Variants in KMT2A observed in about 807,000 individuals in gnomAD.
The protein encoded by KMT2A is lysine methyltransferase 2A.
A neutral mutation model predicts 345.3 loss-of-function variants in KMT2A; 16 were observed. That is an observed-to-expected ratio of 0.05 (90% CI 0.03 to 0.07). The LOEUF (loss-of-function observed/expected upper bound fraction) is 0.07, where lower values mean the gene tolerates loss of function less well. Among genes scored for constraint, KMT2A ranks in the 10% least tolerant of loss-of-function variants. The pLI is 1.00. For synonymous variants in KMT2A, 1,599 were observed against 1,778.6 expected, an observed-to-expected ratio of 0.90 and a Z score of 2.54; for missense variants, 3,272 against 4,841.6, an observed-to-expected ratio of 0.68 and a Z score of 9.62.
At chr11:118,463,667 G>A (rs1949788482) in intron 1 of KMT2A, among the ~76,000 whole-genome samples, 1 of 152,120 alleles carries the variant, frequency 6.6e-6, no homozygotes, top group African/African-American at 2.4e-5. Flanking sequence ...GTTCTTTGTA[G>A]CTAACTGTGT....
In KMT2A at chr11:118,484,997, T is replaced by A; in HGVS notation, c.4332+22T>A. 1 of 1,363,908 alleles carries A rather than the reference T, an allele frequency of 7.3e-7. No homozygotes were observed. Among genetic ancestry groups the A allele is most frequent in the Non-Finnish European group, 1.0e-6 (1 of 952,506 alleles). 84.5% of individuals were successfully genotyped at this position (1,363,908 alleles called of 1,614,324 possible). A position where few individuals can be genotyped will look rare whatever the true frequency, so the allele number is the denominator to read the frequency against. ...AGAGGTAAGGCATCCTGCTTCTTTG[T>A]ACCCCAGGAAGTACATAAATTATTT... On this transcript the variant is annotated intron_variant, in intron 10 of 35. Transcript: ENST00000534358. The surrounding 1 kb of genome is among the most constrained non-coding windows in gnomAD (Gnocchi z 4.1).
Position 118,506,341 on chromosome 11 carries a change from A to G in KMT2A, c.10449A>G (p.Val3483=), listed in dbSNP as rs942076094. ...RDLDSASGPQ[V]SNFTQTVDAP... is the part of the protein sequence containing the mutation. The stretch of plus-strand genomic sequence containing the variant: ...TTGATTCTGCTTCAGGGCCCCAGGT[A>G]TCCAACTTTACCCAGACGGTAGACG... Residue 3483 remains valine (V), a synonymous_variant, in exon 27 of 36, where the codon GTA becomes GTG. Coordinates refer to ENST00000534358, the MANE Select transcript of KMT2A (RefSeq NM_001197104.2). 1.9e-6 allele frequency: 3 copies of G among 1,614,162 alleles called. No individual in the cohort carries two copies. Among genetic ancestry groups the G allele is most frequent in the South Asian group, 1.1e-5 (1 of 91,080 alleles).
At chr11:118,470,423 A>G (rs1555035210) in intron 2 of KMT2A, among the ~76,000 whole-genome samples, 1 of 151,974 alleles carries the variant, frequency 6.6e-6, no homozygotes, top group South Asian at 2.1e-4. Flanking sequence ...TTTTTTCATG[A>G]CTACCAGTCT....
chr11:118,505,326 C>T lies in KMT2A; in HGVS notation c.9434C>T (p.Ser3145Phe). The change falls in exon 27 of 36, where the codon TCT (serine) becomes TTT (phenylalanine). Residue 3145 changes from serine to phenylalanine, a missense_variant. By Grantham distance (155) the Ser-to-Phe change is radical (BLOSUM62 -2). This residue lies in a region of KMT2A where 748 missense variants were observed against 922.2 expected (regional missense o/e 0.81). Coordinates refer to ENST00000534358, the MANE Select transcript of KMT2A (RefSeq NM_001197104.2). This position sits in a 1 kb window ranked among gnomAD's most constrained non-coding sequence, Gnocchi z 4.6. ...TTGLNPSLPT[S>F]QSLFPSASKG... ...GGACTAAATCCAAGCTTGCCAACTT[C>T]TCAATCTTTGTTCCCTTCTGCTAGC... The T allele has an allele frequency of 6.2e-7, 1 of 1,614,222 alleles. No homozygotes were observed. Among genetic ancestry groups the T allele is most frequent in the Non-Finnish European group, 8.5e-7 (1 of 1,180,046 alleles).
chr11:118,515,774 C>T (rs890524822), intron 31 of KMT2A, among the ~76,000 whole-genome samples: 3 of 150,334 alleles, frequency 2.0e-5, no homozygotes, highest in East Asian at 2.0e-4. Context: ...CTGCAACCTC[C>T]GCCTCCCGGG....
intron 4 of KMT2A, among the ~76,000 whole-genome samples, chr11:118,477,498 CTTTTTTTTTTTTTT>C (rs11430367): frequency 1.1e-4 from 6 of 56,946 alleles, no homozygotes; most frequent in South Asian, 7.2e-4. Flanking sequence ...AAGTTATTGG[CTTTTTTTTTTTTTT>C]TTTTTTTTTT....
intron 1 of KMT2A, among the ~76,000 whole-genome samples, chr11:118,461,381 A>T (rs1443846752): frequency 3.3e-5 from 5 of 152,226 alleles, no homozygotes; most frequent in African/African-American, 1.2e-4. Flanking sequence ...GATTTCACTT[A>T]GGAAGTGACA....
chr11:118,455,230 G>A (rs1468187100), intron 1 of KMT2A, among the ~76,000 whole-genome samples: 1 of 151,982 alleles, frequency 6.6e-6, no homozygotes. Context: ...TTTATTTTCT[G>A]TCTCTCCATT....
At chr11:118,488,481 T>C (rs781930926) in intron 10 of KMT2A, 133 bp from the exon 11 acceptor site, 1 of 879,346 alleles carries the variant, frequency 1.1e-6, no homozygotes, top group Non-Finnish European at 1.9e-6. Context: ...TAGTCATTGC[T>C]TAATGAATAT....
rs113464589 is a variant in KMT2A, at chr11:118,510,636, T to C, written c.11071+518T>C. Among the ~76,000 whole-genome samples, 1 of 152,212 alleles carries C rather than the reference T, an allele frequency of 6.6e-6. No individual in the cohort carries two copies. The highest frequency in any genetic ancestry group is 2.4e-5 in the African/African-American group (1 of 41,462). ...AGCTTACATTTTGTTTTGTCCGTGT[T>C]TGTTTACTTTTATCACTCACTCAAC... On this transcript the variant is annotated intron_variant, in intron 30 of 35. Coordinates refer to ENST00000534358, the MANE Select transcript of KMT2A (RefSeq NM_001197104.2). The surrounding 1 kb of genome is among the most constrained non-coding windows in gnomAD (Gnocchi z 4.1).
rs1303118153 is a variant in KMT2A at position 118,493,704 on chromosome 11, TTTTATTTA to T, written c.5178+490_5178+497del. ...CTATATTTGCGATTCTGTTGTTTATTTTTATTTATTTATTTATTTATTTGAGATGGAGT... is the reference window on the plus strand; with the variant it reads ...CTATATTTGCGATTCTGTTGTTTATTTTTATTTATTTATTTGAGATGGAGT... On this transcript the variant is annotated intron_variant, in intron 16 of 35. Transcript: ENST00000534358. The surrounding 1 kb of genome is among the most constrained non-coding windows in gnomAD (Gnocchi z 5.8). Among the ~76,000 whole-genome samples the T allele has an allele frequency of 6.6e-6, 1 of 152,042 alleles. No individual in the cohort carries two copies. The highest frequency in any genetic ancestry group is 1.5e-5 in the Non-Finnish European group (1 of 67,992).
rs2134389386 is a variant in KMT2A at position 118,503,050 on chromosome 11, A to G, written c.7158A>G (p.Thr2386=). 1 of 1,613,282 alleles carries G rather than the reference A, an allele frequency of 6.2e-7. No individual in the cohort carries two copies. Among genetic ancestry groups the G allele is most frequent in the Non-Finnish European group, 8.5e-7 (1 of 1,179,976 alleles). Residue 2386 remains threonine, a synonymous_variant, in exon 27 of 36, where the codon ACA becomes ACG. Transcript: ENST00000534358. This position sits in a 1 kb window ranked among gnomAD's most constrained non-coding sequence, Gnocchi z 5.3. The part of the protein sequence containing the change: ...RGQRNDRDQH[T]DSTQSANSSP... ...AAAGGAATGATCGAGACCAACACAC[A>G]GATTCTACCCAATCAGCAAACTCCT...
At chr11:118,509,669 G>A (rs1323659623) in intron 29 of KMT2A, among the ~76,000 whole-genome samples, 16 of 151,984 alleles carry the variant, frequency 1.1e-4, no homozygotes, top group Non-Finnish European at 1.5e-4. Flanking sequence ...ACTCTATTGA[G>A]GACAGTTGCT....
chr11:118,451,656 A>ATTT (rs34888107), intron 1 of KMT2A, among the ~76,000 whole-genome samples: 7 of 138,068 alleles, frequency 5.1e-5, no homozygotes, highest in African/African-American at 1.1e-4. Flanking sequence ...CCCAAAGTGA[A>ATTT]TTTTTTTTTT....
In KMT2A at chr11:118,498,167, A is replaced by C; in HGVS notation, c.5802+94A>C. 2.1e-6 allele frequency: 3 copies of C among 1,398,128 alleles called. No individual in the cohort carries two copies. The highest frequency in any genetic ancestry group is 3.0e-6 in the Non-Finnish European group (3 of 1,001,420). The allele number at this position is 1,398,128 out of a possible 1,614,324, so 86.6% of individuals were successfully genotyped here. A position where few individuals can be genotyped will look rare whatever the true frequency, so the allele number is the denominator to read the frequency against. On this transcript the variant is annotated intron_variant, in intron 21 of 35. Transcript: ENST00000534358. The surrounding 1 kb of genome is among the most constrained non-coding windows in gnomAD (Gnocchi z 4.4). ...GAATATGGCCTCCCTGATATTTTTC[A>C]CAGTGCCATCAGGGTAGTTAGCCAA...
In KMT2A at chr11:118,510,453, G is replaced by A. The variant is rs1555049793; in HGVS notation, c.11071+335G>A. On this transcript the variant is annotated intron_variant, in intron 30 of 35. Transcript: ENST00000534358. This position sits in a 1 kb window ranked among gnomAD's most constrained non-coding sequence, Gnocchi z 4.1. ...CTCTCTCCCTTGTGTGCCTTCACAC[G>A]TGCTTTCTCCTCTGCCTGGAGTTCT... Among the ~76,000 whole-genome samples the A allele has an allele frequency of 1.3e-5, 2 of 151,910 alleles. No individual in the cohort carries two copies. The highest frequency in any genetic ancestry group is 2.4e-5 in the African/African-American group (1 of 41,318).
Position 118,506,544 on chromosome 11 carries a change from A to T in KMT2A, c.10652A>T (p.Asp3551Val), listed in dbSNP as rs141407877. ...PKTKRFQLPLDKGNGKKHKVS... is the reference protein window; with the variant it reads ...PKTKRFQLPLVKGNGKKHKVS... ...ACCAAACGGTTTCAGCTGCCTCTAG[A>T]CAAAGGGAATGGCAAGAAGCACAAA... Residue 3551 changes from aspartate to valine, a missense_variant, in exon 27 of 36, where the codon GAC becomes GTC. Physicochemically the swap from Asp to Val is radical, Grantham distance 152. Coordinates refer to ENST00000534358, the MANE Select transcript of KMT2A (RefSeq NM_001197104.2). 1.3e-5 allele frequency: 21 copies of T among 1,614,218 alleles called. No homozygotes were observed. In the African/African-American group the frequency reaches 2.8e-4, roughly 22 times the overall value.
chr11:118,507,677 C>A, intron 28 of KMT2A, 68 bp downstream of exon 28: 1 of 1,355,850 alleles, frequency 7.4e-7, no homozygotes, highest in Non-Finnish European at 1.0e-6. Flanking sequence ...AAAAATAGTT[C>A]TTCCAGGCCG....
intron 24 of KMT2A, 99 bp from the exon 25 acceptor site, chr11:118,500,888 G>C (rs1950489795): frequency 1.2e-6 from 1 of 839,054 alleles, no homozygotes; most frequent in Admixed American, 2.3e-5. Flanking sequence ...CTGTAATTAA[G>C]AGGGCCAGGG....
Sources: gnomAD v4.1 joint callset for allele counts (sites outside exome capture counted in the v4.1 genomes callset) on GRCh38, gnomAD v4.1.1 for gene constraint, gnomAD v4.1.1 regional missense constraint, Gnocchi (gnomAD v3.1) non-coding constraint, MANE v1.5 for transcripts, NCBI Gene and HGNC (gene_info 2026-07-23, HGNC 2026-07-21) for gene names.